CDCP2: variants seen among roughly 807,000 people sequenced by gnomAD.
The protein encoded by CDCP2 is CUB domain containing protein 2, also known as CUB domain-containing protein 2.
Under a neutral mutation model 31.0 loss-of-function variants are expected in CDCP2, and 31 were observed. The observed-to-expected ratio is 1.00, with a 90% CI of 0.75 to 1.35. CDCP2 has a LOEUF of 1.35. Ranked by LOEUF, CDCP2 falls within the 40% of genes most tolerant of loss-of-function variation. CDCP2 has a pLI of 0.00. For missense variants in CDCP2, 443 were observed against 482.6 expected (o/e 0.92, Z 0.77); for synonymous variants, 206 against 207.9 (o/e 0.99, Z 0.08).
Position 54,140,379 on chromosome 1 carries a change from TCAATAATAATACA to T in CDCP2, c.764-286_764-274del, listed in dbSNP as rs950828015. Reference sequence around the variant, plus strand: ...CACAGGTGTAGGCCCTGTTAGGAATTCAATAATAATACACAATACCTGTCCTCAGAGTTACCTC... The same window carrying T: ...CACAGGTGTAGGCCCTGTTAGGAATTCAATACCTGTCCTCAGAGTTACCTC... On this transcript the variant is annotated intron_variant, in intron 3 of 5. Coordinates refer to ENST00000530059, the Ensembl canonical transcript of CDCP2. 1.9e-5 allele frequency: 10 copies of T among 518,918 alleles called. No individual in the cohort carries two copies. The Admixed American group carries it at 2.9e-4, about 15-fold the overall frequency. 32.1% of individuals were successfully genotyped at this position (518,918 alleles called of 1,614,324 possible).
intron 2 of CDCP2, 38 bp downstream of exon 2, chr1:54,144,428 T>G (rs1224242734): frequency 6.6e-7 from 1 of 1,517,534 alleles, no homozygotes; most frequent in East Asian, 2.3e-5. Flanking sequence ...ATTACAGGTG[T>G]GAGCCACTGC....
At chr1:54,139,871 C>T in exon 4 of CDCP2, 1 of 1,614,040 alleles carries the variant, frequency 6.2e-7, no homozygotes, top group Non-Finnish European at 8.5e-7. Context: ...CACACCAATT[C>T]CCCAGCAGGG....
chr1:54,144,505 G>C (rs752456437), exon 2 of CDCP2: 7 of 1,599,732 alleles, frequency 4.4e-6, no homozygotes, highest in South Asian at 2.3e-5. Flanking sequence ...CTGGCCACAT[G>C]CTTGTCCGAG....
At chr1:54,151,970 A>G (rs1659591300) in intron 1 of CDCP2, among the ~76,000 whole-genome samples, 1 of 152,190 alleles carries the variant, frequency 6.6e-6, no homozygotes, top group African/African-American at 2.4e-5. Context: ...AGGGCTTAAG[A>G]TCCCTGAGGG....
rs1319555718 is a variant in CDCP2, at chr1:54,139,942, G to C, written c.928C>G (p.Leu310Val). 2 of 1,614,098 alleles carry C rather than the reference G, an allele frequency of 1.2e-6. No homozygotes were observed. The change falls in exon 4 of 6, where the codon CTG becomes GTG. Residue 310 changes from leucine (L) to valine (V), a missense_variant. Transcript: ENST00000530059. The stretch of plus-strand genomic sequence containing the variant: ...TGGTCAAAGTCACAGGTCTTGGTCA[G>C]GCTGTTGGGCTCCTCCAGGTCCAGG...
intron 1 of CDCP2, 107 bp from the exon 2 acceptor site, chr1:54,144,920 G>T: frequency 1.4e-6 from 1 of 732,190 alleles, no homozygotes; most frequent in Non-Finnish European, 2.3e-6. Flanking sequence ...ATGGGATGAG[G>T]GAACACATGG....
exon 6 of CDCP2, chr1:54,133,195 G>A (rs1033125930): frequency 1.8e-5 from 7 of 399,002 alleles, no homozygotes; most frequent in Admixed American, 4.4e-5. Flanking sequence ...TCCTTGCGCC[G>A]TGGCTCACAG....
chr1:54,134,042 C>A (rs1659215988), intron 5 of CDCP2, among the ~76,000 whole-genome samples: 1 of 152,194 alleles, frequency 6.6e-6, no homozygotes, highest in South Asian at 2.1e-4. Context: ...TAACTGTGCT[C>A]TTGGCCATCA....
chr1:54,138,520 G>A (rs1183347867), intron 4 of CDCP2: 1 of 152,254 alleles, frequency 6.6e-6, no homozygotes, highest in Non-Finnish European at 1.5e-5. Context: ...TTTGAATGCT[G>A]AACGGGCCTG....
At chr1:54,144,975 G>A (rs923213584) in intron 1 of CDCP2, among the ~76,000 whole-genome samples, 162 bp from the exon 2 acceptor site, 1 of 152,162 alleles carries the variant, frequency 6.6e-6, no homozygotes, top group Non-Finnish European at 1.5e-5. Context: ...TTCAGATGCT[G>A]ACCAAGCATG....
At chr1:54,152,965 G>A (rs765781115), upstream of CDCP2, 7 of 1,587,804 alleles carry the variant, frequency 4.4e-6, no homozygotes, top group South Asian at 3.3e-5. Context: ...GCTCAGGTAG[G>A]CCAGGATCTC....
intron 1 of CDCP2, among the ~76,000 whole-genome samples, chr1:54,149,665 G>A (rs1481141292): frequency 3.3e-5 from 5 of 152,080 alleles, no homozygotes; most frequent in Non-Finnish European, 7.3e-5. Flanking sequence ...CATAGAATTC[G>A]TCACGATCTA....
chr1:54,135,281 G>C (rs1435566640), intron 5 of CDCP2, among the ~76,000 whole-genome samples: 1 of 152,146 alleles, frequency 6.6e-6, no homozygotes, highest in Non-Finnish European at 1.5e-5. Flanking sequence ...TGTGGAGGGA[G>C]TCAAGTCTCT....
intron 4 of CDCP2, among the ~76,000 whole-genome samples, chr1:54,137,373 T>G (rs1304513633): frequency 2.7e-5 from 4 of 150,830 alleles, no homozygotes; most frequent in Non-Finnish European, 5.9e-5. Flanking sequence ...AGCGGGAGAG[T>G]AGAGCGAATC....
chr1:54,140,019 T>C, exon 4 of CDCP2: 1 of 1,613,908 alleles, frequency 6.2e-7, no homozygotes, highest in Non-Finnish European at 8.5e-7. Flanking sequence ...GATGGTCCAG[T>C]GGCAGCGGAT....
chr1:54,141,366 G>A, exon 3 of CDCP2: 1 of 1,614,198 alleles, frequency 6.2e-7, no homozygotes, highest in Non-Finnish European at 8.5e-7. Flanking sequence ...TGCTGTTCGG[G>A]TAGTTGTTGG....
chr1:54,151,947 CAG>C (rs1659590842), intron 1 of CDCP2, among the ~76,000 whole-genome samples: 1 of 152,082 alleles, frequency 6.6e-6, no homozygotes, highest in Non-Finnish European at 1.5e-5. Context: ...ACTTTCCAGA[CAG>C]AGGGGACAGC....
chr1:54,141,286 A>G (rs771085222), exon 3 of CDCP2: 1 of 1,614,172 alleles, frequency 6.2e-7, no homozygotes, highest in East Asian at 2.2e-5. Context: ...ATTGCCCTCC[A>G]CCTGGAAGTC....
intron 5 of CDCP2, among the ~76,000 whole-genome samples, chr1:54,134,125 G>C (rs918903798): frequency 2.0e-5 from 3 of 152,144 alleles, no homozygotes; most frequent in Admixed American, 6.5e-5. Flanking sequence ...CCCCATCCTT[G>C]GCAAATTTAC....
Sources: gnomAD v4.1 joint callset for allele counts (sites outside exome capture counted in the v4.1 genomes callset) on GRCh38, gnomAD v4.1.1 for gene constraint, MANE v1.5 for transcripts, NCBI Gene and HGNC (gene_info 2026-07-23, HGNC 2026-07-21) for gene names.